CSGALNACT1: variants seen among roughly 807,000 people sequenced by gnomAD.
CSGALNACT1 encodes the protein chondroitin sulfate N-acetylgalactosaminyltransferase 1, also known as beta4GalNAcT-1.
CSGALNACT1 carries 52 observed loss-of-function variants against 51.0 expected under a neutral mutation model. The observed-to-expected ratio is 1.02, with a 90% CI of 0.82 to 1.29. CSGALNACT1 has a LOEUF of 1.29. CSGALNACT1 is among the 50% of genes most tolerant of loss of function. The probability of loss-of-function intolerance (pLI) is 0.00; values close to 1 mark genes in which losing one functional copy is unlikely to be tolerated. For synonymous variants in CSGALNACT1, 341 were observed against 254.4 expected, an observed-to-expected ratio of 1.34 and a Z score of -3.24; for missense variants, 935 against 679.2, an observed-to-expected ratio of 1.38 and a Z score of -4.19.
chr8:19,517,379 G>A (rs943157608), intron 3 of CSGALNACT1, among the ~76,000 whole-genome samples: 5 of 152,174 alleles, frequency 3.3e-5, no homozygotes, highest in African/African-American at 1.2e-4. Flanking sequence ...GGCAGAGGTT[G>A]CCGTGAGCCG....
intron 1 of CSGALNACT1, among the ~76,000 whole-genome samples, chr8:19,693,619 C>T (rs906831351): frequency 4.6e-5 from 7 of 152,128 alleles, no homozygotes; most frequent in Non-Finnish European, 2.9e-5. Context: ...TTCTCTGGAC[C>T]TGTCTACAGG....
chr8:19,610,553 G>A (rs73214647), intron 1 of CSGALNACT1, among the ~76,000 whole-genome samples: 25,387 of 151,952 alleles, frequency 0.17, 2,163 homozygotes, highest in Non-Finnish European at 0.19. Flanking sequence ...ACACACAGGC[G>A]CTGGACAACC....
rs548360401 is a variant in CSGALNACT1, at chr8:19,413,629, T to C, written c.1228-4935A>G. On this transcript the variant is annotated intron_variant, in intron 8 of 9. Transcript: ENST00000454498. The stretch of plus-strand genomic sequence containing the variant: ...TTTCAACTGAACTGCAATAGTAAAA[T>C]ACTTTCTGAAGGGAGGTAGAGAGGT... 3.2e-4 allele frequency among the ~76,000 whole-genome samples: 48 copies of C among 152,278 alleles called. 1 individual carries two copies. In the South Asian group the frequency reaches 5.4e-3, roughly 17 times the overall value.
intron 1 of CSGALNACT1, among the ~76,000 whole-genome samples, chr8:19,617,618 G>T (rs889160980): frequency 6.6e-6 from 1 of 152,232 alleles, no homozygotes; most frequent in African/African-American, 2.4e-5. Context: ...CTAGAAAAAA[G>T]AATGTGCCAA....
At chr8:19,516,791 T>C (rs960239406) in intron 3 of CSGALNACT1, among the ~76,000 whole-genome samples, 13 of 152,182 alleles carry the variant, frequency 8.5e-5, no homozygotes, top group Non-Finnish European at 1.5e-5. Flanking sequence ...TAGGCTTCCA[T>C]GATGGGAGCC....
At chr8:19,447,916 G>C (rs2062415651) in intron 5 of CSGALNACT1, among the ~76,000 whole-genome samples, 1 of 152,220 alleles carries the variant, frequency 6.6e-6, no homozygotes, top group Non-Finnish European at 1.5e-5. Flanking sequence ...GCTCAAGCCA[G>C]GACTTTTGGG....
rs572586216 is a variant in CSGALNACT1 at position 19,680,329 on chromosome 8, G to A, written c.-544+2144C>T. Among the ~76,000 whole-genome samples the A allele has an allele frequency of 2.2e-3, 339 of 152,332 alleles. 2 individuals carry two copies. In the South Asian group the frequency reaches 0.03, roughly 13 times the overall value. ...CCAGCGCTTTGGGAGGCCAAGGCAG[G>A]TGGATCACCTGAGGTCAGAAGTTCA... On this transcript the variant is annotated intron_variant, in intron 1 of 9. Transcript: ENST00000332246.
intron 1 of CSGALNACT1, among the ~76,000 whole-genome samples, chr8:19,674,259 C>T (rs73216609): frequency 0.02 from 3,031 of 152,118 alleles, 51 homozygotes; most frequent in South Asian, 0.047. Context: ...TGCCACTGCG[C>T]TCCAGCCTGG....
intron 3 of CSGALNACT1, among the ~76,000 whole-genome samples, chr8:19,545,338 A>G (rs1049618599): frequency 2.0e-5 from 3 of 152,230 alleles, no homozygotes; most frequent in Non-Finnish European, 2.9e-5. Flanking sequence ...TTAACGTTTA[A>G]TTGAACATTT....
intron 3 of CSGALNACT1, among the ~76,000 whole-genome samples, chr8:19,561,731 G>A (rs143278548): frequency 4.0e-4 from 61 of 152,316 alleles, no homozygotes; most frequent in Middle Eastern, 3.4e-3. Context: ...ACTAGCACAA[G>A]AACAAGCACA....
chr8:19,470,675 T>C (rs1183005890), intron 4 of CSGALNACT1, among the ~76,000 whole-genome samples: 1 of 152,010 alleles, frequency 6.6e-6, no homozygotes, highest in Non-Finnish European at 1.5e-5. Flanking sequence ...TCTCATTGCC[T>C]CTCTAAAAAT....
chr8:19,578,404 C>A (rs2044765860), intron 3 of CSGALNACT1, among the ~76,000 whole-genome samples: 1 of 152,150 alleles, frequency 6.6e-6, no homozygotes, highest in Non-Finnish European at 1.5e-5. Flanking sequence ...ATCCTGCTGC[C>A]TGGAGGAAGA....
chr8:19,408,613 C>A (rs2054863575), exon 9 of CSGALNACT1: 2 of 1,612,884 alleles, frequency 1.2e-6, no homozygotes, highest in Admixed American at 3.3e-5. Flanking sequence ...TTTGTCCTAC[C>A]TATATTGATG....
chr8:19,666,967 GAAA>G (rs1564385074), intron 1 of CSGALNACT1, among the ~76,000 whole-genome samples: 1 of 9,986 alleles, frequency 1.0e-4, no homozygotes, highest in African/African-American at 6.6e-4. Flanking sequence ...AAGAAAGAAA[GAAA>G]GAAAGAAAGA....
chr8:19,531,786 A>G (rs1432433427), intron 3 of CSGALNACT1: 1 of 152,206 alleles, frequency 6.6e-6, no homozygotes, highest in Non-Finnish European at 1.5e-5. Context: ...CAGGGAGCAC[A>G]CCACCCATCA....
chr8:19,756,231 A>C (rs1254819584), intron 1 of CSGALNACT1, among the ~76,000 whole-genome samples: 2 of 152,204 alleles, frequency 1.3e-5, no homozygotes, highest in African/African-American at 4.8e-5. Context: ...CAGTTTAAAA[A>C]AAAAAACCGT....
intron 2 of CSGALNACT1, among the ~76,000 whole-genome samples, chr8:19,597,487 G>A (rs1166653895): frequency 6.6e-6 from 1 of 151,710 alleles, no homozygotes; most frequent in African/African-American, 2.4e-5. Context: ...TATTTTTGTA[G>A]AGATGGGGTC....
At chr8:19,598,675 T>C (rs2049512256) in intron 2 of CSGALNACT1, among the ~76,000 whole-genome samples, 1 of 152,186 alleles carries the variant, frequency 6.6e-6, no homozygotes, top group Non-Finnish European at 1.5e-5. Flanking sequence ...AAACAGTTTT[T>C]ACCCCCAGAT....
At chr8:19,507,105 T>C (rs993955169) in intron 3 of CSGALNACT1, among the ~76,000 whole-genome samples, 1 of 152,140 alleles carries the variant, frequency 6.6e-6, no homozygotes, top group Admixed American at 6.5e-5. Context: ...ATGTGGATGG[T>C]AACACATCCA....
Sources: allele counts gnomAD v4.1 joint callset (sites outside exome capture counted in the v4.1 genomes callset), GRCh38; gene constraint gnomAD v4.1.1; transcripts MANE v1.5; gene names NCBI Gene and HGNC (gene_info 2026-07-23, HGNC 2026-07-21).